The following AGBL1 variants were observed in gnomAD, a reference collection of about 807,000 sequenced individuals.
AGBL1 encodes the protein AGBL carboxypeptidase 1.
AGBL1 carries 130 observed loss-of-function variants against 118.9 expected under a neutral mutation model. The observed-to-expected ratio is 1.09, with a 90% CI of 0.95 to 1.26. The LOEUF (loss-of-function observed/expected upper bound fraction) is 1.26. AGBL1 is among the 50% of genes most tolerant of loss of function. AGBL1 has a pLI of 0.00. For synonymous variants in AGBL1, 555 were observed against 478.9 expected, an observed-to-expected ratio of 1.16 and a Z score of -2.08; for missense variants, 1,584 against 1,298.1, an observed-to-expected ratio of 1.22 and a Z score of -3.38.
intron 22 of AGBL1, among the ~76,000 whole-genome samples, chr15:86,708,472 T>G (rs556071769): frequency 6.6e-6 from 1 of 152,182 alleles, no homozygotes; most frequent in East Asian, 1.9e-4. Flanking sequence ...CCACCATAAC[T>G]ATGAGAAAGT....
rs760209915 is a variant in AGBL1, at chr15:86,929,730, C to T, written c.3222-58257C>T. ...GAATCCGGGCTTTCCAGAGAGCCAG[C>T]GTGTTTCAGCTTTGACTATAACTGA... On this transcript the variant is annotated intron_variant, in intron 23 of 24. Transcript: ENST00000441037. Among the ~76,000 whole-genome samples the T allele has an allele frequency of 5.3e-5, 8 of 152,298 alleles. No individual in the cohort carries two copies. The South Asian group carries it at 1.2e-3, about 24-fold the overall frequency.
intron 17 of AGBL1, among the ~76,000 whole-genome samples, chr15:86,301,591 A>T (rs1392883693): frequency 6.6e-6 from 1 of 151,840 alleles, no homozygotes; most frequent in Non-Finnish European, 1.5e-5. Flanking sequence ...TTAGGAACAC[A>T]TAGATAAGTA....
At position 86,915,946 on chromosome 15, in the gene AGBL1, C is replaced by G. The variant is rs190896501; in HGVS notation, c.*8652C>G. ...GAGAAACCTCCCTCAGCCCCGTTTG[C>G]GGTGCCTCCTGGTCGGTAATTTTCC... On this transcript the variant is annotated 3_prime_UTR_variant, in exon 23 of 23. Transcript: ENST00000614907. 4 of 152,186 alleles carry G rather than the reference C, an allele frequency of 2.6e-5. No homozygotes were observed. The highest frequency in any genetic ancestry group is 7.2e-5 in the African/African-American group (3 of 41,432). The allele number at this position is 152,186 out of a possible 1,614,324, so 9.4% of individuals were successfully genotyped here.
rs919785219 is a variant in AGBL1, at chr15:86,980,583, C to T, written c.3222-7404C>T. On this transcript the variant is annotated intron_variant, in intron 23 of 24. Transcript: ENST00000441037. Reference sequence around the variant, plus strand: ...AACTTCTCTCCTAGGTTGTGGGCTGCAGCAGACATATTAGAGAGATTTTTT... The same window carrying T: ...AACTTCTCTCCTAGGTTGTGGGCTGTAGCAGACATATTAGAGAGATTTTTT... Among the ~76,000 whole-genome samples the T allele has an allele frequency of 5.3e-5, 8 of 152,260 alleles. No homozygotes were observed. In the South Asian group the frequency reaches 8.3e-4, roughly 16 times the overall value.
chr15:86,738,127 T>C lies in AGBL1; in HGVS notation c.3158+63691T>C, dbSNP rs1473819247. 3.3e-5 allele frequency among the ~76,000 whole-genome samples: 5 copies of C among 152,262 alleles called. No individual in the cohort carries two copies. In the East Asian group the frequency reaches 5.8e-4, roughly 18 times the overall value. ...ATATGGGATCTTTATATGTTAATTT[T>C]GTATCTTGCAAGTTTACTAAATTCA... is the stretch of plus-strand genomic sequence containing the variant. On this transcript the variant is annotated intron_variant, in intron 22 of 22. Transcript: ENST00000614907.
At chr15:86,854,379 C>T (rs1403368481) in intron 22 of AGBL1, among the ~76,000 whole-genome samples, 5 of 152,094 alleles carry the variant, frequency 3.3e-5, no homozygotes, top group Non-Finnish European at 7.3e-5. Context: ...GTCCTTTCAG[C>T]AGAAGAACAC....
chr15:86,173,430 G>A (rs1331542312), intron 5 of AGBL1, among the ~76,000 whole-genome samples: 3 of 151,948 alleles, frequency 2.0e-5, no homozygotes, highest in Non-Finnish European at 4.4e-5. Context: ...TTTCTGTGCA[G>A]AAGCTTTTTC....
chr15:86,888,845 A>G (rs2080010156), intron 22 of AGBL1, among the ~76,000 whole-genome samples: 1 of 152,174 alleles, frequency 6.6e-6, no homozygotes, highest in Non-Finnish European at 1.5e-5. Context: ...AAAGCTGCAG[A>G]GGAGTTAAAA....
chr15:86,758,994 A>T (rs902013343), intron 22 of AGBL1, among the ~76,000 whole-genome samples: 27 of 150,928 alleles, frequency 1.8e-4, no homozygotes, highest in African/African-American at 5.7e-4. Flanking sequence ...AGAAAAAAAA[A>T]AGAAAAGAAT....
chr15:86,697,417 C>T (rs1160369476), intron 22 of AGBL1, among the ~76,000 whole-genome samples: 1 of 151,500 alleles, frequency 6.6e-6, no homozygotes, highest in African/African-American at 2.4e-5. Context: ...TTGCGTTTCT[C>T]TAAGTGTGTT....
intron 21 of AGBL1, among the ~76,000 whole-genome samples, chr15:86,578,089 G>C (rs1467518595): frequency 2.0e-5 from 3 of 152,266 alleles, no homozygotes; most frequent in South Asian, 4.1e-4. Context: ...CGTGTGCCTG[G>C]AAAAGCCACA....
At position 87,002,705 on chromosome 15, in the gene AGBL1, G is replaced by T. The variant is rs538404090; in HGVS notation, c.3323+14617G>T. Among the ~76,000 whole-genome samples the T allele has an allele frequency of 1.5e-3, 231 of 152,292 alleles. 1 individual carries two copies. Among genetic ancestry groups the T allele is most frequent in the African/African-American group, 5.3e-3 (221 of 41,556 alleles). ...AAGAGGTCCTTCACATCCCTTGGAA[G>T]TTGGATTCCTAGGTATTTTATTCTC... On this transcript the variant is annotated intron_variant, in intron 24 of 24. Coordinates refer to the AGBL1 transcript ENST00000441037.
chr15:86,824,911 G>T (rs1596521103), intron 22 of AGBL1, among the ~76,000 whole-genome samples: 2 of 152,118 alleles, frequency 1.3e-5, no homozygotes, highest in South Asian at 4.1e-4. Flanking sequence ...TACAAAAATA[G>T]CTGGGCGTGG....
chr15:86,550,790 G>C (rs559250980), intron 20 of AGBL1, among the ~76,000 whole-genome samples: 72 of 151,890 alleles, frequency 4.7e-4, no homozygotes, highest in Middle Eastern at 3.6e-3. Flanking sequence ...TATTCTTTTT[G>C]AGTGCACATC....
intron 18 of AGBL1, among the ~76,000 whole-genome samples, chr15:86,482,241 T>C (rs1260922020): frequency 6.6e-6 from 1 of 152,114 alleles, no homozygotes; most frequent in Non-Finnish European, 1.5e-5. Context: ...AGGTGTAGTT[T>C]GAGGCTTAAT....
intron 17 of AGBL1, among the ~76,000 whole-genome samples, chr15:86,347,178 A>G (rs1299732243): frequency 6.6e-6 from 1 of 152,220 alleles, no homozygotes; most frequent in African/African-American, 2.4e-5. Flanking sequence ...TCTTTTAGCT[A>G]GCCCTGCATG....
chr15:86,086,431 T>C (rs1895658851), intron 1 of AGBL1: 1 of 152,164 alleles, frequency 6.6e-6, no homozygotes, highest in Non-Finnish European at 1.5e-5. Flanking sequence ...GAGCAAATAC[T>C]GCATGGTTCC....
chr15:86,756,957 T>TTTC (rs1555447142), intron 22 of AGBL1, among the ~76,000 whole-genome samples: 1 of 150,620 alleles, frequency 6.6e-6, no homozygotes, highest in African/African-American at 2.4e-5. Flanking sequence ...TTTTTTTTTT[T>TTTC]CTCCCCATCC....
intron 21 of AGBL1, among the ~76,000 whole-genome samples, chr15:86,571,007 T>C (rs1251394648): frequency 6.6e-6 from 1 of 152,162 alleles, no homozygotes; most frequent in Admixed American, 6.5e-5. Context: ...TCAGACACGC[T>C]GGCTGATGCT....
Sources: allele counts gnomAD v4.1 joint callset (sites outside exome capture counted in the v4.1 genomes callset), GRCh38; gene constraint gnomAD v4.1.1; transcripts MANE v1.5; gene names NCBI Gene and HGNC (gene_info 2026-07-23, HGNC 2026-07-21).